ABI3BP: variants seen among roughly 807,000 people sequenced by gnomAD.
ABI3BP encodes the protein ABI family member 3 binding protein.
Under a neutral mutation model 268.6 loss-of-function variants are expected in ABI3BP, and 216 were observed. The observed-to-expected ratio is 0.80, with a 90% CI of 0.72 to 0.90. The LOEUF is 0.90. Ranked by LOEUF, ABI3BP falls within the 40% of genes least tolerant of loss-of-function variation. The probability of loss-of-function intolerance (pLI) is 0.00; values close to 1 mark genes in which losing one functional copy is unlikely to be tolerated. For missense variants in ABI3BP, 2,090 were observed against 2,182.4 expected, an observed-to-expected ratio of 0.96 and a Z score of 0.84; for synonymous variants, 730 against 730.0, an observed-to-expected ratio of 1.00 and a Z score of 0.00.
chr3:100,777,767 C>T (rs1338851592), intron 59 of ABI3BP, among the ~76,000 whole-genome samples: 1 of 152,184 alleles, frequency 6.6e-6, no homozygotes, highest in African/African-American at 2.4e-5. Flanking sequence ...GCCTCCAAAA[C>T]ATACTCCTGT....
intron 1 of ABI3BP, among the ~76,000 whole-genome samples, chr3:100,933,138 T>C (rs1185810894): frequency 6.6e-6 from 1 of 152,014 alleles, no homozygotes; most frequent in Admixed American, 6.6e-5. Flanking sequence ...AGCACTCTTC[T>C]AAAAGTAGAT....
rs1034865787 is a variant in ABI3BP at position 100,749,946 on chromosome 3, G to C, written c.*549C>G. 1 of 386,176 alleles carries C rather than the reference G, an allele frequency of 2.6e-6. No individual in the cohort carries two copies. The highest frequency in any genetic ancestry group is 4.6e-6 in the Non-Finnish European group (1 of 218,600). The allele number at this position is 386,176 out of a possible 1,614,324, so 23.9% of individuals were successfully genotyped here. ...TGTAACTATTAAACTCCTCCGCAAA[G>C]CTATTCAGCTGTTGCTAAAAAATTG... On this transcript the variant is annotated 3_prime_UTR_variant, in exon 68 of 68. Coordinates refer to ENST00000471714, the MANE Select transcript of ABI3BP (RefSeq NM_001375547.2).
At chr3:100,907,360 G>A (rs1327266548) in intron 2 of ABI3BP, among the ~76,000 whole-genome samples, 1 of 152,136 alleles carries the variant, frequency 6.6e-6, no homozygotes, top group East Asian at 1.9e-4. Flanking sequence ...CATGCATTGT[G>A]ATGGGCACCT....
chr3:100,828,483 AC>A (rs2098427829), intron 33 of ABI3BP, 31 bp from the exon 34 acceptor site: 1 of 1,496,924 alleles, frequency 6.7e-7, no homozygotes, highest in Non-Finnish European at 9.0e-7. Context: ...TAAAACACCA[AC>A]AAAACATTAA....
rs1438624351 is a variant in ABI3BP at position 100,825,770 on chromosome 3, T to C, written c.2662+15A>G. ...AAGCACTTGGCAAACAGCCAGGTAA[T>C]TGTAGGGTCGTTACCTAAGGTTGTT... On this transcript the variant is annotated intron_variant, in intron 35 of 67. Transcript: ENST00000471714. 3 of 1,530,982 alleles carry C rather than the reference T, an allele frequency of 2.0e-6. No homozygotes were observed. Among genetic ancestry groups the C allele is most frequent in the East Asian group, 2.4e-5 (1 of 40,890 alleles). The allele number at this position is 1,530,982 out of a possible 1,614,324, so 94.8% of individuals were successfully genotyped here. A position where few individuals can be genotyped will look rare whatever the true frequency, so the allele number is the denominator to read the frequency against.
intron 40 of ABI3BP, among the ~76,000 whole-genome samples, chr3:100,819,486 T>C (rs972281718): frequency 6.6e-5 from 10 of 152,146 alleles, no homozygotes. Flanking sequence ...ATCTTGACTA[T>C]ACTACAGAGT....
intron 2 of ABI3BP, among the ~76,000 whole-genome samples, chr3:100,920,656 C>T (rs865856331): frequency 1.3e-5 from 2 of 152,036 alleles, no homozygotes; most frequent in South Asian, 2.1e-4. Context: ...CTCCTGACCT[C>T]GTGATCCACC....
chr3:100,913,687 A>C (rs544023577), intron 2 of ABI3BP, among the ~76,000 whole-genome samples: 11 of 152,322 alleles, frequency 7.2e-5, no homozygotes, highest in Admixed American at 7.2e-4. Context: ...TGACTAATAT[A>C]CAATGCTAAT....
At chr3:100,912,441 T>C (rs959483157) in intron 2 of ABI3BP, among the ~76,000 whole-genome samples, 1 of 152,126 alleles carries the variant, frequency 6.6e-6, no homozygotes, top group Non-Finnish European at 1.5e-5. Flanking sequence ...ATAGACTGAT[T>C]TGCAGTAGAA....
chr3:100,817,526 G>T (rs1443674778), intron 41 of ABI3BP, 31 bp from the exon 42 acceptor site: 1 of 1,350,014 alleles, frequency 7.4e-7, no homozygotes. Context: ...AAAGCAAAAA[G>T]ATTTAACTTG....
At chr3:100,826,687 G>A (rs772095192) in intron 34 of ABI3BP, among the ~76,000 whole-genome samples, 2 of 152,122 alleles carry the variant, frequency 1.3e-5, no homozygotes, top group African/African-American at 2.4e-5. Flanking sequence ...TGATCTTGCT[G>A]GGAACTCCAC....
intron 63 of ABI3BP, among the ~76,000 whole-genome samples, chr3:100,755,794 CT>C (rs2095583815): frequency 6.6e-6 from 1 of 152,166 alleles, no homozygotes; most frequent in Admixed American, 6.5e-5. Flanking sequence ...AAAAGTCAAC[CT>C]GAGTCAGCTA....
intron 4 of ABI3BP, among the ~76,000 whole-genome samples, chr3:100,891,265 C>A (rs1183495943): frequency 6.6e-6 from 1 of 152,210 alleles, no homozygotes; most frequent in Admixed American, 6.5e-5. Context: ...GTATCACCCA[C>A]TGGTGGCTGG....
At chr3:100,846,715 CAAAGT>C (rs540428715) in intron 19 of ABI3BP, among the ~76,000 whole-genome samples, 1 of 152,078 alleles carries the variant, frequency 6.6e-6, no homozygotes, top group Non-Finnish European at 1.5e-5. Context: ...AGTAACTACT[CAAAGT>C]AAAGATAGTT....
chr3:100,861,527 A>T (rs1438607033), intron 14 of ABI3BP, among the ~76,000 whole-genome samples: 1 of 152,252 alleles, frequency 6.6e-6, no homozygotes, highest in Non-Finnish European at 1.5e-5. Flanking sequence ...GGAAGTAATC[A>T]TAAAGGATGG....
At chr3:100,980,307 T>G (rs922199789) in intron 1 of ABI3BP, among the ~76,000 whole-genome samples, 1 of 152,076 alleles carries the variant, frequency 6.6e-6, no homozygotes, top group Non-Finnish European at 1.5e-5. Flanking sequence ...CTCTGCTCAC[T>G]GCAAGGTCTG....
At chr3:100,819,568 A>G (rs1409723048) in intron 40 of ABI3BP, among the ~76,000 whole-genome samples, 2 of 152,172 alleles carry the variant, frequency 1.3e-5, no homozygotes, top group Non-Finnish European at 2.9e-5. Context: ...GGAAGATAGA[A>G]GGCACTTAAT....
chr3:100,840,782 A>G lies in ABI3BP; in HGVS notation c.1804+38T>C, dbSNP rs755105163. Reference sequence around the variant, plus strand: ...CAACACAGATACCAGCAGACAGGAAAAGAAGAAACAAAGGTCACCCACTCA... The same window carrying G: ...CAACACAGATACCAGCAGACAGGAAGAGAAGAAACAAAGGTCACCCACTCA... On this transcript the variant is annotated intron_variant, in intron 22 of 67. Transcript: ENST00000471714. The G allele has an allele frequency of 4.6e-6, 7 of 1,510,390 alleles. No individual in the cohort carries two copies. In the South Asian group the frequency reaches 8.5e-5, roughly 18 times the overall value. 93.6% of individuals were successfully genotyped at this position (1,510,390 alleles called of 1,614,324 possible).
At chr3:100,775,118 C>G in intron 60 of ABI3BP, 89 bp downstream of exon 60, 1 of 1,479,022 alleles carries the variant, frequency 6.8e-7, no homozygotes, top group Non-Finnish European at 9.0e-7. Flanking sequence ...TAGAAGACCT[C>G]AAACTGAGAC....
Sources: gnomAD v4.1 joint callset for allele counts (sites outside exome capture counted in the v4.1 genomes callset) on GRCh38, gnomAD v4.1.1 for gene constraint, MANE v1.5 for transcripts, NCBI Gene and HGNC (gene_info 2026-07-23, HGNC 2026-07-21) for gene names.